TNFRSF9: variants seen among roughly 807,000 people sequenced by gnomAD.
TNFRSF9 encodes tumor necrosis factor receptor superfamily member 9.
Under a neutral mutation model 28.8 loss-of-function variants are expected in TNFRSF9, and 16 were observed. That is an observed-to-expected ratio of 0.55 (90% CI 0.38 to 0.84). TNFRSF9 has a LOEUF of 0.84. TNFRSF9 is among the 40% of genes least tolerant of loss of function. The pLI, the probability that TNFRSF9 is intolerant of heterozygous loss-of-function variation, is 0.00. For missense variants in TNFRSF9, 303 were observed against 315.0 expected, an observed-to-expected ratio of 0.96 and a Z score of 0.29; for synonymous variants, 131 against 117.0, an observed-to-expected ratio of 1.12 and a Z score of -0.77.
Position 7,921,417 on chromosome 1 carries a change from C to T in TNFRSF9, c.680-494G>A, listed in dbSNP as rs568466170. Among the ~76,000 whole-genome samples, 308 of 151,830 alleles carry T rather than the reference C, an allele frequency of 2.0e-3. 2 individuals are homozygous for T. Among genetic ancestry groups the T allele is most frequent in the African/African-American group, 7.0e-3 (289 of 41,412 alleles). On this transcript the variant is annotated intron_variant, in intron 7 of 7. Coordinates refer to ENST00000377507, the MANE Select transcript of TNFRSF9 (RefSeq NM_001561.6). ...GCGCAGTGGCTCATGCCTGTAATCCCAGCACTTTGGGAGGCTGAGGCCGGT... is the reference window on the plus strand; with the variant it reads ...GCGCAGTGGCTCATGCCTGTAATCCTAGCACTTTGGGAGGCTGAGGCCGGT...
intron 1 of TNFRSF9, among the ~76,000 whole-genome samples, chr1:7,940,375 T>C (rs1408795607): frequency 6.6e-6 from 1 of 152,214 alleles, no homozygotes; most frequent in Non-Finnish European, 1.5e-5. Context: ...ATAGGTACTT[T>C]GCAGTACCAA....
At position 7,919,363 on chromosome 1, in the gene TNFRSF9, C is replaced by G. The variant is rs544433362; in HGVS notation, c.*1472G>C. ...TCTCTACTAAAAATATAAAAATTAGCCAGGCGTGGTGGCACATACCTGTAG... is the reference window on the plus strand; with the variant it reads ...TCTCTACTAAAAATATAAAAATTAGGCAGGCGTGGTGGCACATACCTGTAG... On this transcript the variant is annotated 3_prime_UTR_variant, in exon 8 of 8. Transcript: ENST00000377507. The G allele has an allele frequency of 1.3e-5, 2 of 152,220 alleles. No homozygotes were observed. The highest frequency in any genetic ancestry group is 4.8e-5 in the African/African-American group (2 of 41,524). 9.4% of individuals were successfully genotyped at this position (152,220 alleles called of 1,614,324 possible).
chr1:7,925,812 G>A (rs1439483974), intron 7 of TNFRSF9, among the ~76,000 whole-genome samples: 1 of 152,138 alleles, frequency 6.6e-6, no homozygotes, highest in Non-Finnish European at 1.5e-5. Flanking sequence ...CTGATCTGAT[G>A]GGAGATGGAG....
In TNFRSF9 at chr1:7,940,008, A is replaced by T. The variant is rs1473993501; in HGVS notation, c.-14T>A. The T allele has an allele frequency of 2.5e-6, 4 of 1,575,288 alleles. 1 individual carries two copies. The highest frequency in any genetic ancestry group is 1.3e-5 in the African/African-American group (1 of 74,364). On this transcript the variant is annotated 5_prime_UTR_variant, in exon 2 of 8. Coordinates refer to ENST00000377507, the MANE Select transcript of TNFRSF9 (RefSeq NM_001561.6). ...GCTGTTTCCCATGATGAAATCTGGC[A>T]CAGGTATGATACTAGCAAAGCTGAT...
chr1:7,922,607 T>G (rs1225424561), intron 7 of TNFRSF9, among the ~76,000 whole-genome samples: 1 of 152,080 alleles, frequency 6.6e-6, no homozygotes, highest in African/African-American at 2.4e-5. Flanking sequence ...AGGTCAGGAT[T>G]TCGAGACCAG....
chr1:7,918,481 G>A lies in TNFRSF9; in HGVS notation c.*2354C>T, dbSNP rs760198425. 6.6e-6 allele frequency: 1 copy of A among 152,078 alleles called. No homozygotes were observed. The highest frequency in any genetic ancestry group is 1.5e-5 in the Non-Finnish European group (1 of 68,038). The allele number at this position is 152,078 out of a possible 1,614,324, so 9.4% of individuals were successfully genotyped here. ...GCAACCTCTGCCTCCCAGGCTCAAA[G>A]CGAACCTACTGAGTAGCTGGGACTT... On this transcript the variant is annotated 3_prime_UTR_variant, in exon 8 of 8. Coordinates refer to ENST00000377507, the MANE Select transcript of TNFRSF9 (RefSeq NM_001561.6).
intron 7 of TNFRSF9, among the ~76,000 whole-genome samples, chr1:7,925,898 T>C (rs764680535): frequency 7.2e-5 from 11 of 152,148 alleles, no homozygotes; most frequent in Non-Finnish European, 1.2e-4. Flanking sequence ...ACCACTCTCC[T>C]CCTGCTGGGT....
At chr1:7,931,804 A>G (rs767647653) in intron 7 of TNFRSF9, among the ~76,000 whole-genome samples, 1 of 152,246 alleles carries the variant, frequency 6.6e-6, no homozygotes, top group Admixed American at 6.5e-5. Context: ...AAAGTTCTAT[A>G]TTGCTTTAAA....
At chr1:7,937,592 T>C in intron 5 of TNFRSF9, 98 bp downstream of exon 5, 1 of 961,278 alleles carries the variant, frequency 1.0e-6, no homozygotes, top group South Asian at 1.4e-5. Context: ...CTGTCTACAC[T>C]TGATGGGTGC....
intron 5 of TNFRSF9, among the ~76,000 whole-genome samples, chr1:7,935,873 C>T (rs1639808666): frequency 6.6e-6 from 1 of 152,094 alleles, no homozygotes; most frequent in Non-Finnish European, 1.5e-5. Flanking sequence ...GTATGTGCTG[C>T]CAGAACTGTT....
intron 7 of TNFRSF9, among the ~76,000 whole-genome samples, chr1:7,931,026 G>C (rs1248034208): frequency 6.6e-6 from 1 of 152,128 alleles, no homozygotes; most frequent in Non-Finnish European, 1.5e-5. Context: ...ACATGAAAAG[G>C]CGTCTAACCT....
intron 7 of TNFRSF9, among the ~76,000 whole-genome samples, chr1:7,921,292 C>T (rs1001999991): frequency 2.0e-5 from 3 of 150,966 alleles, no homozygotes; most frequent in African/African-American, 4.9e-5. Flanking sequence ...CTTGAGATGG[C>T]GCCATTGCAC....
chr1:7,936,528 T>A (rs1639818724), intron 5 of TNFRSF9: 1 of 152,404 alleles, frequency 6.6e-6, no homozygotes, highest in Non-Finnish European at 1.5e-5. Context: ...ATACTTTTCT[T>A]GTGAATCATG....
At chr1:7,932,052 G>T (rs971493989) in intron 7 of TNFRSF9, among the ~76,000 whole-genome samples, 4 of 152,132 alleles carry the variant, frequency 2.6e-5, no homozygotes, top group African/African-American at 7.2e-5. Context: ...CAGGAGAATC[G>T]CTTGAACCCG....
Position 7,935,067 on chromosome 1 carries a change from C to G in TNFRSF9, c.490G>C (p.Asp164His), listed in dbSNP as rs1192514292. 4.3e-6 allele frequency: 7 copies of G among 1,614,102 alleles called. No homozygotes were observed. The highest frequency in any genetic ancestry group is 4.2e-6 in the Non-Finnish European group (5 of 1,180,040). ...ACAGAGGATGCTCCCGGAGAGAGGT[C>G]GGCTGGAGATGGTCCACAGACCACG... is the stretch of plus-strand genomic sequence containing the variant. ...RDVVCGPSPA[D>H]LSPGASSVTP... Residue 164 changes from aspartate (D) to histidine (H), a missense_variant, in exon 6 of 8, where the codon GAC (aspartate) becomes CAC (histidine). Coordinates refer to ENST00000377507, the MANE Select transcript of TNFRSF9 (RefSeq NM_001561.6).
intron 7 of TNFRSF9, among the ~76,000 whole-genome samples, chr1:7,922,734 C>T (rs966237692): frequency 6.6e-6 from 1 of 151,538 alleles, no homozygotes; most frequent in South Asian, 2.1e-4. Context: ...ATGGCTTAAA[C>T]CCAGGAGGCA....
chr1:7,938,449 T>A, intron 3 of TNFRSF9, 119 bp from the exon 4 acceptor site: 2 of 1,169,194 alleles, frequency 1.7e-6, no homozygotes, highest in Non-Finnish European at 2.3e-6. Context: ...CCAGTAATTT[T>A]AAAGTTTACT....
chr1:7,921,920 C>T (rs549720088), intron 7 of TNFRSF9: 1 of 152,278 alleles, frequency 6.6e-6, no homozygotes, highest in South Asian at 2.1e-4. Flanking sequence ...TTCAGCAGCA[C>T]TTATTTTCGT....
Position 7,934,193 on chromosome 1 carries a change from T to C in TNFRSF9, c.544+820A>G, listed in dbSNP as rs755572472. Among the ~76,000 whole-genome samples the C allele has an allele frequency of 3.1e-4, 47 of 151,486 alleles. 1 individual carries two copies. The highest frequency in any genetic ancestry group is 1.3e-4 in the Non-Finnish European group (9 of 67,898). On this transcript the variant is annotated intron_variant, in intron 6 of 7. Coordinates refer to ENST00000377507, the MANE Select transcript of TNFRSF9 (RefSeq NM_001561.6). ...GAGTTTGAGAGCAGCCTGAGCAACA[T>C]AGCAAGACCCCGACTCTGCCAAAAA...
Sources: gnomAD v4.1 joint callset for allele counts (sites outside exome capture counted in the v4.1 genomes callset) on GRCh38, gnomAD v4.1.1 for gene constraint, MANE v1.5 for transcripts, NCBI Gene and HGNC (gene_info 2026-07-23, HGNC 2026-07-21) for gene names.